PCDHGB2: variants seen among roughly 807,000 people sequenced by gnomAD.
PCDHGB2 encodes protocadherin gamma subfamily B, 2.
Under a neutral mutation model 59.3 loss-of-function variants are expected in PCDHGB2, and 55 were observed. That is an observed-to-expected ratio of 0.93 (90% CI 0.75 to 1.16). PCDHGB2 has a LOEUF of 1.16. PCDHGB2 is among the 50% of genes most tolerant of loss of function. The pLI is 0.00. For missense variants in PCDHGB2, 1,228 were observed against 1,198.5 expected, an observed-to-expected ratio of 1.02 and a Z score of -0.36; for synonymous variants, 516 against 512.0, an observed-to-expected ratio of 1.01 and a Z score of -0.11.
At chr5:141,412,861 A>T (rs925106716) in intron 1 of PCDHGB2, 19 of 235,604 alleles carry the variant, frequency 8.1e-5, no homozygotes, top group African/African-American at 3.4e-4. Context: ...CAAAGAATCT[A>T]TGTAAAATAT....
chr5:141,410,685 A>G, intron 1 of PCDHGB2: 1 of 1,528,540 alleles, frequency 6.5e-7, no homozygotes, highest in Non-Finnish European at 8.7e-7. Flanking sequence ...TTTTAGGCAT[A>G]CTACTTTATT....
intron 1 of PCDHGB2, chr5:141,403,093 C>T (rs1368239890): frequency 6.2e-7 from 1 of 1,614,072 alleles, no homozygotes; most frequent in Non-Finnish European, 8.5e-7. Flanking sequence ...TTGTGGGCAA[C>T]ATCTCCAAGG....
In PCDHGB2 at chr5:141,432,908, C is replaced by T. The variant is rs757934634; in HGVS notation, c.2422-61899C>T. On this transcript the variant is annotated intron_variant, in intron 1 of 3. Transcript: ENST00000522605. This position sits in a 1 kb window ranked among gnomAD's most constrained non-coding sequence, Gnocchi z 6.0. Reference sequence around the variant, plus strand: ...CATCTTGCTGCTGGCGCTCAGGCTGCGGCGCTGGCACAAGTCACGCCTGCT... The same window carrying T: ...CATCTTGCTGCTGGCGCTCAGGCTGTGGCGCTGGCACAAGTCACGCCTGCT... 3.7e-5 allele frequency: 60 copies of T among 1,614,050 alleles called. No individual in the cohort carries two copies. Among genetic ancestry groups the T allele is most frequent in the Middle Eastern group, 3.3e-4 (2 of 6,082 alleles).
Position 141,400,134 on chromosome 5 carries a change from G to A in PCDHGB2, c.2421+37578G>A, listed in dbSNP as rs373375631. The A allele has an allele frequency of 6.8e-6, 11 of 1,613,954 alleles. No homozygotes were observed. In the African/African-American group the frequency reaches 9.3e-5, roughly 14 times the overall value. Reference sequence around the variant, plus strand: ...CTGACAGCTTGCAGGAGGTGCTGCCGGATATCACTGACCGCCCTGTACCCT... The same window carrying A: ...CTGACAGCTTGCAGGAGGTGCTGCCAGATATCACTGACCGCCCTGTACCCT... On this transcript the variant is annotated intron_variant, in intron 1 of 3. Coordinates refer to ENST00000522605, the MANE Select transcript of PCDHGB2 (RefSeq NM_018923.3).
At chr5:141,398,045 G>A (rs2093604271) in intron 1 of PCDHGB2, 1 of 1,498,158 alleles carries the variant, frequency 6.7e-7, no homozygotes. Flanking sequence ...AAGCCCGTTC[G>A]GAGATCCAAA....
chr5:141,399,945 G>T, intron 1 of PCDHGB2: 2 of 1,612,308 alleles, frequency 1.2e-6, no homozygotes, highest in Non-Finnish European at 1.7e-6. Context: ...ACGTGCTGCA[G>T]GCTAGCGAGC....
chr5:141,433,208 C>CTTTT, intron 1 of PCDHGB2: 1 of 1,293,074 alleles, frequency 7.7e-7, no homozygotes, highest in African/African-American at 1.5e-5. Flanking sequence ...AATCTTCTTT[C>CTTTT]TTTTTTTTTT....
At chr5:141,420,527 G>T (rs368419425) in intron 1 of PCDHGB2, 3 of 349,150 alleles carry the variant, frequency 8.6e-6, no homozygotes, top group Non-Finnish European at 1.5e-5. Flanking sequence ...ATACCTTTCG[G>T]TTAAAAATAT....
chr5:141,362,774 C>A, intron 1 of PCDHGB2: 2 of 610,798 alleles, frequency 3.3e-6, no homozygotes, highest in Non-Finnish European at 5.5e-6. Flanking sequence ...AGATATTGCA[C>A]TGTATTTCTT....
intron 1 of PCDHGB2, among the ~76,000 whole-genome samples, chr5:141,438,621 TATATATATATATATAC>T (rs1472935962): frequency 0.016 from 652 of 41,356 alleles, 15 homozygotes; most frequent in East Asian, 0.15. Flanking sequence ...TATATATATA[TATATATATATATATAC>T]ACACACACAC....
At chr5:141,398,604 T>C (rs2093677345) in intron 1 of PCDHGB2, 1 of 1,613,930 alleles carries the variant, frequency 6.2e-7, no homozygotes, top group South Asian at 1.1e-5. Flanking sequence ...TAGCAGAAGA[T>C]GCAGATATTG....
intron 1 of PCDHGB2, chr5:141,422,221 A>T (rs1267909650): frequency 1.3e-6 from 2 of 1,565,034 alleles, no homozygotes; most frequent in Admixed American, 4.0e-5. Context: ...CTTTACCACC[A>T]CGACGATGTT....
intron 1 of PCDHGB2, chr5:141,419,588 A>C: frequency 6.2e-7 from 1 of 1,611,830 alleles, no homozygotes; most frequent in Non-Finnish European, 8.5e-7. Flanking sequence ...GCTCTTCGAC[A>C]CAGTGCCGCG....
In PCDHGB2 at chr5:141,476,208, C is replaced by A. The variant is rs1266601125; in HGVS notation, c.2422-18599C>A. 1.2e-6 allele frequency: 2 copies of A among 1,613,912 alleles called. No homozygotes were observed. Among genetic ancestry groups the A allele is most frequent in the East Asian group, 4.5e-5 (2 of 44,826 alleles). On this transcript the variant is annotated intron_variant, in intron 1 of 3. Coordinates refer to ENST00000522605, the MANE Select transcript of PCDHGB2 (RefSeq NM_018923.3). The surrounding 1 kb of genome is among the most constrained non-coding windows in gnomAD (Gnocchi z 7.6). ...CTTGGTGCCTTGAACAAGGCTTCCA[C>A]GGTCATTCACTATGAGATCCCGGAG...
At chr5:141,408,818 A>G in intron 1 of PCDHGB2, 1 of 1,613,578 alleles carries the variant, frequency 6.2e-7, no homozygotes, top group South Asian at 1.1e-5. Flanking sequence ...GGAAGAACAG[A>G]GATCTCATAG....
At chr5:141,370,508 C>T in intron 1 of PCDHGB2, 1 of 1,613,908 alleles carries the variant, frequency 6.2e-7, no homozygotes, top group Non-Finnish European at 8.5e-7. Flanking sequence ...ACGCTATTCC[C>T]GAGGAGCTGG....
At chr5:141,465,978 C>T (rs568961720) in intron 1 of PCDHGB2, among the ~76,000 whole-genome samples, 7 of 151,998 alleles carry the variant, frequency 4.6e-5, no homozygotes, top group South Asian at 2.1e-4. Context: ...AAAAATTAGC[C>T]GGGCATGGTG....
Position 141,487,322 on chromosome 5 carries a change from C to T in PCDHGB2, c.2422-7485C>T, listed in dbSNP as rs760334964. 7.4e-6 allele frequency: 12 copies of T among 1,614,134 alleles called. No homozygotes were observed. Among genetic ancestry groups the T allele is most frequent in the South Asian group, 3.3e-5 (3 of 91,082 alleles). ...CGTGGCACTACTCTCTAAGTGTCTT[C>T]GTGGGGCAGCCTGTGGAGTCACATG... On this transcript the variant is annotated intron_variant, in intron 1 of 3. Coordinates refer to ENST00000522605, the MANE Select transcript of PCDHGB2 (RefSeq NM_018923.3). The surrounding 1 kb of genome is among the most constrained non-coding windows in gnomAD (Gnocchi z 5.0).
chr5:141,497,689 A>G (rs951295378), intron 2 of PCDHGB2, among the ~76,000 whole-genome samples: 1 of 151,958 alleles, frequency 6.6e-6, no homozygotes, highest in African/African-American at 2.4e-5. Flanking sequence ...GCAGGTGTGC[A>G]CCACCACACC....
Sources: gnomAD v4.1 joint callset for allele counts (sites outside exome capture counted in the v4.1 genomes callset) on GRCh38, gnomAD v4.1.1 for gene constraint, Gnocchi (gnomAD v3.1) non-coding constraint, MANE v1.5 for transcripts, NCBI Gene and HGNC (gene_info 2026-07-23, HGNC 2026-07-21) for gene names.